THSD7B: variants seen among roughly 807,000 people sequenced by gnomAD.
The protein encoded by THSD7B is thrombospondin type 1 domain containing 7B.
In THSD7B, 138 loss-of-function variants were observed where a neutral mutation model predicts 213.6. The ratio of observed to expected loss-of-function variants is 0.65; its 90% CI spans 0.56 to 0.74. THSD7B has a LOEUF of 0.74. THSD7B is among the 30% of genes least tolerant of loss of function. The pLI, the probability that THSD7B is intolerant of heterozygous loss-of-function variation, is 0.00. For synonymous variants in THSD7B, 742 were observed against 687.0 expected (o/e 1.08, Z -1.25); for missense variants, 1,931 against 1,991.5 (o/e 0.97, Z 0.58).
chr2:136,843,070 C>T (rs1045760004), intron 1 of THSD7B, among the ~76,000 whole-genome samples: 5 of 149,482 alleles, frequency 3.3e-5, no homozygotes, highest in Non-Finnish European at 5.9e-5. Context: ...TAACTGTTCA[C>T]TCGTATCGAG....
chr2:137,397,260 C>G lies in THSD7B; in HGVS notation c.2501-8353C>G, dbSNP rs552867428. Among the ~76,000 whole-genome samples, 327 of 152,140 alleles carry G rather than the reference C, an allele frequency of 2.1e-3. 4 individuals carry two copies. The highest frequency in any genetic ancestry group is 2.1e-4 in the Non-Finnish European group (14 of 68,006). Reference sequence around the variant, plus strand: ...AGTTGATGCAGTTTCTTCCTAGTCTCGATGTTCTTTACATTTGGGCATGAT... The same window carrying G: ...AGTTGATGCAGTTTCTTCCTAGTCTGGATGTTCTTTACATTTGGGCATGAT... On this transcript the variant is annotated intron_variant, in intron 12 of 27. Coordinates refer to ENST00000409968, the MANE Select transcript of THSD7B (RefSeq NM_001316349.2).
intron 10 of THSD7B, among the ~76,000 whole-genome samples, chr2:137,251,248 C>T (rs77999642): frequency 0.015 from 2,337 of 152,248 alleles, 69 homozygotes; most frequent in African/African-American, 0.054. Flanking sequence ...ACATATGTGA[C>T]GACGTTGGCC....
At chr2:137,057,760 A>G (rs1687198984) in intron 3 of THSD7B, among the ~76,000 whole-genome samples, 1 of 152,194 alleles carries the variant, frequency 6.6e-6, no homozygotes, top group African/African-American at 2.4e-5. Context: ...TTGTTCCAAG[A>G]GTGCTTTCTT....
Position 137,107,765 on chromosome 2 carries a change from A to G in THSD7B, c.1200-7359A>G, listed in dbSNP as rs544602573. On this transcript the variant is annotated intron_variant, in intron 4 of 27. Transcript: ENST00000409968. ...AGTGTAAGAAAGTTAACGTACTGCT[A>G]AGTGCTGTATATGGCGATAGAAGTC... Among the ~76,000 whole-genome samples the G allele has an allele frequency of 1.3e-4, 20 of 152,286 alleles. 1 individual carries two copies. Among genetic ancestry groups the G allele is most frequent in the South Asian group, 8.3e-4 (4 of 4,826 alleles).
chr2:136,932,433 G>A (rs1176736914), intron 2 of THSD7B, among the ~76,000 whole-genome samples: 3 of 152,136 alleles, frequency 2.0e-5, no homozygotes, highest in East Asian at 1.9e-4. Context: ...TGGCCCCTGC[G>A]AAGTCAAAAA....
intron 7 of THSD7B, among the ~76,000 whole-genome samples, chr2:137,172,476 A>G (rs1316717214): frequency 1.3e-5 from 2 of 152,202 alleles, no homozygotes; most frequent in Non-Finnish European, 2.9e-5. Context: ...GCTGCTGGAA[A>G]TGTGGCAGTG....
chr2:137,539,469 G>A (rs981941099), intron 15 of THSD7B, among the ~76,000 whole-genome samples: 6 of 151,648 alleles, frequency 4.0e-5, no homozygotes, highest in Non-Finnish European at 7.4e-5. Context: ...CTTCTGTTAT[G>A]TCTAAGCTTC....
At chr2:136,795,524 C>T (rs890330372) in intron 1 of THSD7B, among the ~76,000 whole-genome samples, 20 of 151,930 alleles carry the variant, frequency 1.3e-4, no homozygotes, top group Admixed American at 1.1e-3. Context: ...TTGAGAATGA[C>T]GACATGGACA....
chr2:137,526,228 A>G (rs2105173326), intron 15 of THSD7B, among the ~76,000 whole-genome samples: 1 of 152,160 alleles, frequency 6.6e-6, no homozygotes, highest in East Asian at 1.9e-4. Context: ...AGGATTGAGC[A>G]AAATCAACTT....
In THSD7B at chr2:137,411,254, G is replaced by A. The variant is rs17678158; in HGVS notation, c.2696-355G>A. On this transcript the variant is annotated intron_variant, in intron 13 of 27. Transcript: ENST00000409968. ...TGCTTTCATTGGTTCCCTGGCGATC[G>A]TTAGTCAAGGAGAATGGGGACAGGG... Among the ~76,000 whole-genome samples the A allele has an allele frequency of 9.4e-3, 1,433 of 152,306 alleles. 16 individuals are homozygous for A. Among genetic ancestry groups the A allele is most frequent in the Non-Finnish European group, 9.5e-3 (646 of 68,022 alleles).
intron 12 of THSD7B, among the ~76,000 whole-genome samples, chr2:137,330,538 G>T (rs992330378): frequency 6.6e-6 from 1 of 152,220 alleles, no homozygotes; most frequent in African/African-American, 2.4e-5. Flanking sequence ...TCTTCCTTCT[G>T]GTGGGTTCGT....
intron 15 of THSD7B, chr2:137,538,432 A>G (rs1184175232): frequency 2.0e-6 from 1 of 499,280 alleles, no homozygotes; most frequent in Non-Finnish European, 3.9e-6. Context: ...ACTAATGCAT[A>G]TATAATTTTC....
intron 17 of THSD7B, among the ~76,000 whole-genome samples, chr2:137,575,698 C>G (rs1192505107): frequency 7.5e-6 from 1 of 132,922 alleles, no homozygotes; most frequent in African/African-American, 2.6e-5. Flanking sequence ...GTTTTATGTT[C>G]ATGTTTTTTC....
At chr2:136,842,027 T>C (rs1558823045) in intron 1 of THSD7B, among the ~76,000 whole-genome samples, 1 of 152,234 alleles carries the variant, frequency 6.6e-6, no homozygotes, top group Non-Finnish European at 1.5e-5. Flanking sequence ...TGGAATGTCA[T>C]ACCTACTATC....
chr2:137,152,636 A>G (rs956626351), intron 5 of THSD7B, among the ~76,000 whole-genome samples: 7 of 152,248 alleles, frequency 4.6e-5, no homozygotes, highest in African/African-American at 1.7e-4. Flanking sequence ...GTCAATGCCT[A>G]TTAGCTATTA....
chr2:137,609,222 A>G (rs960772895), intron 17 of THSD7B, among the ~76,000 whole-genome samples: 4 of 152,198 alleles, frequency 2.6e-5, no homozygotes, highest in African/African-American at 9.6e-5. Flanking sequence ...TATTAGGGGA[A>G]AGATAAAATT....
chr2:136,950,704 A>G (rs1339932087), intron 2 of THSD7B, among the ~76,000 whole-genome samples: 7 of 152,170 alleles, frequency 4.6e-5, no homozygotes, highest in Non-Finnish European at 1.0e-4. Flanking sequence ...AAGATTATTG[A>G]GTTGCTAGGA....
In THSD7B at chr2:137,657,458, T is replaced by C. The variant is rs372981729; in HGVS notation, c.4375+298T>C. Among the ~76,000 whole-genome samples the C allele has an allele frequency of 9.8e-4, 150 of 152,346 alleles. 3 individuals carry two copies. In the South Asian group the frequency reaches 0.025, roughly 26 times the overall value. ...CAGATGCTAGTAAAATTTTAAATCA[T>C]GTCCCTTCTCAATAAAACGTTTCAA... On this transcript the variant is annotated intron_variant, in intron 24 of 27. Coordinates refer to ENST00000409968, the MANE Select transcript of THSD7B (RefSeq NM_001316349.2).
chr2:137,165,128 G>A (rs1680099949), intron 6 of THSD7B, among the ~76,000 whole-genome samples: 1 of 152,160 alleles, frequency 6.6e-6, no homozygotes, highest in Admixed American at 6.5e-5. Context: ...CTCCTGCAGA[G>A]TTTAGGGACA....
Sources: allele counts gnomAD v4.1 joint callset (sites outside exome capture counted in the v4.1 genomes callset), GRCh38; gene constraint gnomAD v4.1.1; transcripts MANE v1.5; gene names NCBI Gene and HGNC (gene_info 2026-07-23, HGNC 2026-07-21).